Variants in EXD1 observed in about 807,000 individuals in gnomAD.
EXD1 encodes the protein exonuclease 3'-5' domain containing 1.
Under a neutral mutation model 49.1 loss-of-function variants are expected in EXD1, and 63 were observed. The ratio of observed to expected loss-of-function variants is 1.28; its 90% CI spans 1.05 to 1.58. The LOEUF is 1.58. Ranked by LOEUF, EXD1 falls within the 40% of genes most tolerant of loss-of-function variation. The pLI is 0.00. For missense variants in EXD1, 748 were observed against 666.0 expected (o/e 1.12, Z -1.36); for synonymous variants, 234 against 239.2 (o/e 0.98, Z 0.20).
At chr15:41,207,120 A>G (rs912271367) in intron 7 of EXD1, among the ~76,000 whole-genome samples, 1 of 150,896 alleles carries the variant, frequency 6.6e-6, no homozygotes, top group Non-Finnish European at 1.5e-5. Context: ...GGGAGCCTGT[A>G]GTCCCAGCTA....
intron 10 of EXD1, chr15:41,190,504 A>T (rs1166075383): frequency 7.0e-6 from 2 of 286,082 alleles, no homozygotes; most frequent in East Asian, 1.6e-4. Flanking sequence ...AAAGAAAAGA[A>T]AAGAACTGTT....
At chr15:41,211,796 A>G (rs914162334) in intron 6 of EXD1, among the ~76,000 whole-genome samples, 21 of 102,756 alleles carry the variant, frequency 2.0e-4, no homozygotes, top group African/African-American at 1.3e-3. Flanking sequence ...CTCATTTCTT[A>G]AAAAAAAAAA....
chr15:41,230,550 C>G lies in EXD1; in HGVS notation c.-125G>C. The stretch of plus-strand genomic sequence containing the variant: ...CGAAGGAAGTTTGGGAAATCTGGAT[C>G]CTAATTTCAGCCAAGTGGTGCGTTC... On this transcript the variant is annotated 5_prime_UTR_variant, in exon 1 of 12. Coordinates refer to ENST00000458580, the MANE Select transcript of EXD1 (RefSeq NM_001286441.2). 1 of 1,614,094 alleles carries G rather than the reference C, an allele frequency of 6.2e-7. No individual in the cohort carries two copies. Among genetic ancestry groups the G allele is most frequent in the East Asian group, 2.2e-5 (1 of 44,870 alleles).
chr15:41,186,951 C>T (rs1044633043), intron 11 of EXD1, among the ~76,000 whole-genome samples: 86 of 145,878 alleles, frequency 5.9e-4, no homozygotes, highest in Admixed American at 2.1e-3. Context: ...ATGGCGTGAT[C>T]TCAGCTCACC....
rs759229130 is a variant in EXD1, at chr15:41,184,235, G to A, written c.1415C>T (p.Thr472Ile). 1 of 1,614,040 alleles carries A rather than the reference G, an allele frequency of 6.2e-7. No individual in the cohort carries two copies. The highest frequency in any genetic ancestry group is 1.7e-5 in the Admixed American group (1 of 59,990). Reference sequence around the variant, plus strand: ...CTGGTCCTCTGACCCCTTTGACTTTGTGCAAATGAGTTTGTTACTGGAATC... The same window carrying A: ...CTGGTCCTCTGACCCCTTTGACTTTATGCAAATGAGTTTGTTACTGGAATC... Reference protein sequence around the residue: ...SEDSSNKLICTKSKGSEDQRI... With the variant: ...SEDSSNKLICIKSKGSEDQRI... The change falls in exon 12 of 12, where the codon ACA (threonine) becomes ATA (isoleucine). Residue 472 changes from threonine (T) to isoleucine (I), a missense_variant. Coordinates refer to ENST00000458580, the MANE Select transcript of EXD1 (RefSeq NM_001286441.2).
intron 7 of EXD1, among the ~76,000 whole-genome samples, chr15:41,205,814 C>T (rs2046813848): frequency 6.6e-6 from 1 of 150,884 alleles, no homozygotes; most frequent in African/African-American, 2.4e-5. Flanking sequence ...AGAAGAGAAA[C>T]GATTCTCCTT....
chr15:41,217,066 TATC>T, intron 4 of EXD1, 28 bp downstream of exon 4: 7 of 1,593,064 alleles, frequency 4.4e-6, no homozygotes, highest in Non-Finnish European at 6.0e-6. Flanking sequence ...ATTTGGAAAA[TATC>T]ATAATTAAGA....
chr15:41,192,430 G>A (rs1162637340), intron 9 of EXD1, among the ~76,000 whole-genome samples: 1 of 151,740 alleles, frequency 6.6e-6, no homozygotes, highest in Non-Finnish European at 1.5e-5. Context: ...CCGAGTAGCT[G>A]TGATTACAGG....
chr15:41,190,853 T>C (rs1202463559), intron 10 of EXD1, among the ~76,000 whole-genome samples: 2 of 152,286 alleles, frequency 1.3e-5, no homozygotes, highest in South Asian at 2.1e-4. Flanking sequence ...TCACAAAAAT[T>C]TCCCCCTTGT....
intron 6 of EXD1, among the ~76,000 whole-genome samples, chr15:41,213,825 C>T (rs1281177617): frequency 6.6e-6 from 1 of 152,150 alleles, no homozygotes; most frequent in African/African-American, 2.4e-5. Flanking sequence ...GCTTTACTTA[C>T]AACTCTGTGA....
At position 41,215,778 on chromosome 15, in the gene EXD1, A is replaced by G; in HGVS notation, c.444T>C (p.Ala148=). The G allele has an allele frequency of 6.2e-7, 1 of 1,613,896 alleles. No individual in the cohort carries two copies. Reference sequence around the variant, plus strand: ...AATGATTGAGGACAATACTTACCGCAGCACCAAACTTCTGCTGGAATTGAT... The same window carrying G: ...AATGATTGAGGACAATACTTACCGCGGCACCAAACTTCTGCTGGAATTGAT... ...VINQFQQKFG[A]AILHIKKQNV... The change falls in exon 6 of 12, where the codon GCT becomes GCC. Residue 148 remains alanine (A), a synonymous_variant. Coordinates refer to ENST00000458580, the MANE Select transcript of EXD1 (RefSeq NM_001286441.2).
chr15:41,207,529 C>G lies in EXD1; in HGVS notation c.534+1972G>C, dbSNP rs188758077. Among the ~76,000 whole-genome samples the G allele has an allele frequency of 3.8e-3, 578 of 150,736 alleles. 3 individuals are homozygous for G. Among genetic ancestry groups the G allele is most frequent in the South Asian group, 0.02 (96 of 4,752 alleles). ...CACTCCAGCCTCCAGGCGACAAGAGCAAAATTTCATCTCAAAAAAAAAATA... is the reference window on the plus strand; with the variant it reads ...CACTCCAGCCTCCAGGCGACAAGAGGAAAATTTCATCTCAAAAAAAAAATA... On this transcript the variant is annotated intron_variant, in intron 7 of 11. Coordinates refer to ENST00000458580, the MANE Select transcript of EXD1 (RefSeq NM_001286441.2).
chr15:41,197,953 G>A (rs1329116763), intron 7 of EXD1, among the ~76,000 whole-genome samples: 1 of 152,042 alleles, frequency 6.6e-6, no homozygotes, highest in Non-Finnish European at 1.5e-5. Context: ...GAACCCTGGA[G>A]GCAGAGGTTG....
At chr15:41,213,586 G>A (rs2046955307) in intron 6 of EXD1, among the ~76,000 whole-genome samples, 1 of 151,632 alleles carries the variant, frequency 6.6e-6, no homozygotes. Context: ...CATGATCTCG[G>A]CTCACTGTAC....
At chr15:41,194,765 T>C (rs1021461374) in intron 9 of EXD1, among the ~76,000 whole-genome samples, 7 of 152,112 alleles carry the variant, frequency 4.6e-5, no homozygotes, top group Admixed American at 2.0e-4. Context: ...ACGTATAAGA[T>C]CTAATCAAGA....
intron 3 of EXD1, among the ~76,000 whole-genome samples, chr15:41,218,014 C>G (rs751835936): frequency 3.7e-4 from 56 of 152,166 alleles, no homozygotes; most frequent in Non-Finnish European, 6.8e-4. Flanking sequence ...GACAACTCCT[C>G]CATGGTTGAT....
intron 7 of EXD1, among the ~76,000 whole-genome samples, chr15:41,199,794 CAT>C (rs1219072004): frequency 7.7e-4 from 27 of 34,992 alleles, no homozygotes; most frequent in East Asian, 1.7e-3. Context: ...TATATAATGT[CAT>C]ATATATTATA....
intron 2 of EXD1, among the ~76,000 whole-genome samples, chr15:41,225,706 G>T (rs571066780): frequency 3.3e-5 from 5 of 151,776 alleles, no homozygotes; most frequent in Non-Finnish European, 4.4e-5. Context: ...AACAGGCTGT[G>T]TTTTTGTATT....
intron 10 of EXD1, among the ~76,000 whole-genome samples, chr15:41,190,653 AG>A (rs1249489340): frequency 2.0e-5 from 3 of 152,110 alleles, no homozygotes; most frequent in Non-Finnish European, 4.4e-5. Context: ...AGAGAAAGAG[AG>A]GGGTAGAGGT....
Sources: allele counts gnomAD v4.1 joint callset (sites outside exome capture counted in the v4.1 genomes callset), GRCh38; gene constraint gnomAD v4.1.1; transcripts MANE v1.5; gene names NCBI Gene and HGNC (gene_info 2026-07-23, HGNC 2026-07-21).